The following ZXDC variants were observed in gnomAD, a reference collection of about 807,000 sequenced individuals.
ZXDC encodes the protein zinc finger protein ZXDC.
Under a neutral mutation model 63.6 loss-of-function variants are expected in ZXDC, and 58 were observed. The observed-to-expected ratio is 0.91, with a 90% CI of 0.74 to 1.13. The LOEUF (loss-of-function observed/expected upper bound fraction) is 1.13. Among genes scored for constraint, ZXDC ranks in the 50% most tolerant of loss-of-function variants. The pLI is 0.00. For synonymous variants in ZXDC, 561 were observed against 496.1 expected (o/e 1.13, Z -1.74); for missense variants, 1,133 against 1,148.9 (o/e 0.99, Z 0.20).
At chr3:126,457,457 ATGT>A in intron 7 of ZXDC, 3 of 985,406 alleles carry the variant, frequency 3.0e-6, no homozygotes, top group Non-Finnish European at 3.6e-6. Context: ...CTTTTCAAGG[ATGT>A]GGGTGGCACT....
At position 126,475,544 on chromosome 3, in the gene ZXDC, G is replaced by C. The variant is rs754313119; in HGVS notation, c.322C>G (p.Pro108Ala). The stretch of plus-strand genomic sequence containing the variant: ...GCCGGGCCGCTGGGGCCCTGCTCGG[G>C]GCGGCTCGCCAGGTTGACACGGGAG... ...PGSRVNLASR[P>A]EQGPSGPAAP... The change falls in exon 1 of 10, where the codon CCC becomes GCC. Residue 108 changes from proline (P) to alanine (A), a missense_variant. Pro to Ala is a conservative substitution (Grantham distance 27). Transcript: ENST00000389709. 7.3e-7 allele frequency: 1 copy of C among 1,363,962 alleles called. No individual in the cohort carries two copies. Among genetic ancestry groups the C allele is most frequent in the Admixed American group, 2.9e-5 (1 of 33,986 alleles). 84.5% of individuals were successfully genotyped at this position (1,363,962 alleles called of 1,614,324 possible).
chr3:126,453,467 T>C (rs1934189092), intron 7 of ZXDC: 3 of 985,474 alleles, frequency 3.0e-6, no homozygotes, highest in Non-Finnish European at 3.6e-6. Context: ...CATTTAGTTT[T>C]GGCTACATCC....
intron 7 of ZXDC, chr3:126,452,927 G>A: frequency 1.5e-6 from 1 of 678,170 alleles, no homozygotes; most frequent in Non-Finnish European, 1.8e-6. Context: ...TTTACAGATG[G>A]GGGTCTTACC....
intron 3 of ZXDC, among the ~76,000 whole-genome samples, chr3:126,471,528 C>T (rs1181903854): frequency 6.6e-6 from 1 of 152,190 alleles, no homozygotes; most frequent in Admixed American, 6.5e-5. Flanking sequence ...TGAATCTCTC[C>T]GAGTCTCACT....
At chr3:126,471,108 C>T (rs1934963416) in intron 3 of ZXDC, 83 bp from the exon 4 acceptor site, 2 of 1,518,654 alleles carry the variant, frequency 1.3e-6, no homozygotes, top group Admixed American at 4.3e-5. Context: ...CATACCAAAA[C>T]ACAAACTTTG....
chr3:126,471,570 G>A (rs919862682), intron 3 of ZXDC, among the ~76,000 whole-genome samples: 6 of 152,154 alleles, frequency 3.9e-5, no homozygotes, highest in African/African-American at 1.2e-4. Flanking sequence ...CATTAGCTTT[G>A]AGGTTGTTGG....
chr3:126,475,837 G>C lies in ZXDC; in HGVS notation c.29C>G (p.Pro10Arg), dbSNP rs1342252936. The C allele has an allele frequency of 9.3e-7, 1 of 1,080,752 alleles. No homozygotes were observed. The highest frequency in any genetic ancestry group is 1.7e-5 in the African/African-American group (1 of 59,194). The allele number at this position is 1,080,752 out of a possible 1,614,324, so 66.9% of individuals were successfully genotyped here. The change falls in exon 1 of 10, where the codon CCG becomes CGG. Residue 10 changes from proline (P) to arginine (R), a missense_variant. Coordinates refer to ENST00000389709, the MANE Select transcript of ZXDC (RefSeq NM_025112.5). MDLPALLPA[P>R]TARGGQHGGG... is the part of the protein sequence containing the mutation. ...GCCATGTTGCCCTCCGCGCGCAGTC[G>C]GGGCGGGGAGCAGCGCCGGGAGGTC...
rs1933969922 is a variant in ZXDC, at chr3:126,448,562, CCGGGCAGGCACCAGGGCATGGCA to C, written c.2213-6639_2213-6617del. ...ACTCTGGGCATTCCACACAGGCATC[CCGGGCAGGCACCAGGGCATGGCA>C]CGGCCATGCACTAAGAAGCAAGCAC... On this transcript the variant is annotated intron_variant, in intron 7 of 9. Coordinates refer to ENST00000389709, the MANE Select transcript of ZXDC (RefSeq NM_025112.5). Among the ~76,000 whole-genome samples the C allele has an allele frequency of 2.0e-5, 3 of 152,306 alleles. No individual in the cohort carries two copies. The South Asian group carries it at 6.2e-4, about 32-fold the overall frequency.
chr3:126,473,585 T>A (rs747564884), intron 1 of ZXDC, among the ~76,000 whole-genome samples: 2 of 152,196 alleles, frequency 1.3e-5, no homozygotes, highest in Non-Finnish European at 2.9e-5. Flanking sequence ...ACAGCCACCA[T>A]CAGATTCCCA....
At chr3:126,471,636 G>C (rs1934983420) in intron 3 of ZXDC, among the ~76,000 whole-genome samples, 1 of 151,712 alleles carries the variant, frequency 6.6e-6, no homozygotes, top group African/African-American at 2.4e-5. Context: ...CAGTCTCCAG[G>C]GTTGTCATTA....
chr3:126,454,538 G>A (rs920116883), intron 7 of ZXDC: 14 of 985,084 alleles, frequency 1.4e-5, no homozygotes, highest in Non-Finnish European at 1.4e-5. Context: ...TCCATACAGG[G>A]TGCACCTCTC....
chr3:126,461,832 G>A lies in ZXDC; in HGVS notation c.1830C>T (p.Gly610=). 1.2e-6 allele frequency: 2 copies of A among 1,614,198 alleles called. No individual in the cohort carries two copies. The highest frequency in any genetic ancestry group is 8.5e-7 in the Non-Finnish European group (1 of 1,180,042). Reference sequence around the variant, plus strand: ...TCTTCATGGGCAGAGCCACCAGACAGCCTAATGCTCCTGCACTCACAGTCT... The same window carrying A: ...TCTTCATGGGCAGAGCCACCAGACAACCTAATGCTCCTGCACTCACAGTCT... ...DVQTVSAGAL[G]CLVALPMKNL... is the part of the protein sequence containing the mutation. Residue 610 remains glycine (G), a synonymous_variant, in exon 6 of 10, where the codon GGC becomes GGT. Transcript: ENST00000389709.
chr3:126,474,988 G>A lies in ZXDC; in HGVS notation c.878C>T (p.Pro293Leu). 6.3e-7 allele frequency: 1 copy of A among 1,592,102 alleles called. No homozygotes were observed. Among genetic ancestry groups the A allele is most frequent in the Non-Finnish European group, 8.5e-7 (1 of 1,169,798 alleles). ...AAAGTCACACTTGTAAGGGCGCTCG[G>A]GCTCGAAGTGGCTGCGCTGGTGGGA... is the stretch of plus-strand genomic sequence containing the variant. ...LSSHQRSHFE[P>L]ERPYKCDFPG... Residue 293 changes from proline (P) to leucine (L), a missense_variant, in exon 1 of 10, where the codon CCC becomes CTC. Coordinates refer to ENST00000389709, the MANE Select transcript of ZXDC (RefSeq NM_025112.5).
At position 126,475,203 on chromosome 3, in the gene ZXDC, C is replaced by T. The variant is rs372705772; in HGVS notation, c.663G>A (p.Thr221=). 6.3e-7 allele frequency: 1 copy of T among 1,583,852 alleles called. No individual in the cohort carries two copies. The highest frequency in any genetic ancestry group is 8.6e-7 in the Non-Finnish European group (1 of 1,164,740). Residue 221 remains threonine (T), a synonymous_variant, in exon 1 of 10, where the codon ACG becomes ACA. Coordinates refer to ENST00000389709, the MANE Select transcript of ZXDC (RefSeq NM_025112.5). ...PLEGCGWAFT[T]SYKLKRHLQS... ...GCAGGTGCCGCTTGAGCTTGTAGGA[C>T]GTTGTGAAGGCCCAACCACAGCCCT...
At chr3:126,460,901 T>C in intron 6 of ZXDC, 1 of 985,384 alleles carries the variant, frequency 1.0e-6, no homozygotes. Flanking sequence ...ACAAAAAAAA[T>C]CCCTATCTGA....
chr3:126,461,659 C>T lies in ZXDC; in HGVS notation c.2003G>A (p.Arg668His), dbSNP rs758971995. 8.7e-6 allele frequency: 14 copies of T among 1,613,026 alleles called. No individual in the cohort carries two copies. The highest frequency in any genetic ancestry group is 3.3e-4 in the Middle Eastern group (2 of 6,082). The part of the protein sequence containing the change: ...PIKVEPDSPS[R>H]PGAVGQQEGS... ...TTCCTGCTGCCCAACTGCTCCTGGG[C>T]GAGAAGGCGAGTCCGGCTCCACCTT... is the stretch of plus-strand genomic sequence containing the variant. Residue 668 changes from arginine (R) to histidine (H), a missense_variant, in exon 6 of 10, where the codon CGC (arginine) becomes CAC (histidine). By Grantham distance (29) the Arg-to-His change is conservative. Coordinates refer to ENST00000389709, the MANE Select transcript of ZXDC (RefSeq NM_025112.5).
At chr3:126,441,699 C>T (rs765213338) in intron 8 of ZXDC, 66 bp downstream of exon 8, 12 of 1,479,190 alleles carry the variant, frequency 8.1e-6, no homozygotes, top group Non-Finnish European at 1.1e-5. Context: ...ATGCCGCACA[C>T]TGCTCAGACC....
Position 126,461,727 on chromosome 3 carries a change from G to A in ZXDC, c.1935C>T (p.Thr645=). Residue 645 remains threonine (T), a synonymous_variant, in exon 6 of 10, where the codon ACC becomes ACT. Coordinates refer to ENST00000389709, the MANE Select transcript of ZXDC (RefSeq NM_025112.5). Reference sequence around the variant, plus strand: ...CCGGGACACTGGCATTTTCTCGGGGGGTGCTCGAAGAGGTCGGTGTGGTGA... The same window carrying A: ...CCGGGACACTGGCATTTTCTCGGGGAGTGCTCGAAGAGGTCGGTGTGGTGA... ...AHITTPTSSS[T]PRENASVPEL... is the part of the protein sequence containing the mutation. 1 of 1,614,058 alleles carries A rather than the reference G, an allele frequency of 6.2e-7. No individual in the cohort carries two copies. The highest frequency in any genetic ancestry group is 8.5e-7 in the Non-Finnish European group (1 of 1,180,016).
chr3:126,469,120 G>A (rs760888757), intron 4 of ZXDC, among the ~76,000 whole-genome samples: 7 of 152,128 alleles, frequency 4.6e-5, no homozygotes, highest in East Asian at 1.9e-4. Context: ...GTGTTTGTCC[G>A]AGGCCCCAGA....
Sources: gnomAD v4.1 joint callset for allele counts (sites outside exome capture counted in the v4.1 genomes callset) on GRCh38, gnomAD v4.1.1 for gene constraint, MANE v1.5 for transcripts, NCBI Gene and HGNC (gene_info 2026-07-23, HGNC 2026-07-21) for gene names.